The following DOCK4 variants were observed in gnomAD, a reference collection of about 807,000 sequenced individuals.
DOCK4 encodes the protein dedicator of cytokinesis 4, also known as dedicator of cytokinesis protein 4.
Under a neutral mutation model 268.1 loss-of-function variants are expected in DOCK4, and 97 were observed. The observed-to-expected ratio is 0.36, with a 90% CI of 0.31 to 0.43. The LOEUF (loss-of-function observed/expected upper bound fraction) is 0.43, where lower values mean the gene tolerates loss of function less well. Ranked by LOEUF, DOCK4 falls within the 20% of genes least tolerant of loss-of-function variation. The pLI is 1.00. For synonymous variants in DOCK4, 954 were observed against 887.2 expected, an observed-to-expected ratio of 1.08 and a Z score of -1.34; for missense variants, 2,145 against 2,455.7, an observed-to-expected ratio of 0.87 and a Z score of 2.67.
intron 4 of DOCK4, among the ~76,000 whole-genome samples, 164 bp downstream of exon 4, chr7:111,998,284 T>C (rs1800129920): frequency 6.6e-6 from 1 of 152,176 alleles, no homozygotes; most frequent in South Asian, 2.1e-4. Context: ...TCTTTAATTT[T>C]CTCCACCAAC....
chr7:111,886,852 C>T (rs1278283583), intron 16 of DOCK4, among the ~76,000 whole-genome samples: 1 of 152,098 alleles, frequency 6.6e-6, no homozygotes, highest in Admixed American at 6.5e-5. Context: ...AAGAGGTTAA[C>T]ATAAGGAGAA....
chr7:112,161,937 G>A (rs546414055), intron 1 of DOCK4, among the ~76,000 whole-genome samples: 2 of 152,230 alleles, frequency 1.3e-5, no homozygotes, highest in African/African-American at 4.8e-5. Flanking sequence ...CATCCAGACT[G>A]GTTTCAACTT....
chr7:112,058,713 TC>T (rs1288876730), intron 1 of DOCK4, among the ~76,000 whole-genome samples: 1 of 152,008 alleles, frequency 6.6e-6, no homozygotes, highest in African/African-American at 2.4e-5. Context: ...GACAATGAAG[TC>T]AGCTAGACAG....
At chr7:112,057,583 T>G (rs1805944351) in intron 1 of DOCK4, among the ~76,000 whole-genome samples, 2 of 150,540 alleles carry the variant, frequency 1.3e-5, no homozygotes, top group Admixed American at 6.6e-5. Flanking sequence ...GAATAAGCCT[T>G]GGAATATAGC....
chr7:111,946,603 A>ACT (rs1397314139), intron 8 of DOCK4, among the ~76,000 whole-genome samples: 4 of 152,206 alleles, frequency 2.6e-5, no homozygotes, highest in Non-Finnish European at 5.9e-5. Context: ...TTATTTTGAG[A>ACT]CAGAGTCTTG....
At position 111,769,690 on chromosome 7, in the gene DOCK4, T is replaced by C; in HGVS notation, c.3680-13A>G. 1 of 1,611,266 alleles carries C rather than the reference T, an allele frequency of 6.2e-7. No individual in the cohort carries two copies. The highest frequency in any genetic ancestry group is 1.3e-5 in the African/African-American group (1 of 74,952). On this transcript the variant is annotated splice_polypyrimidine_tract_variant and intron_variant, in intron 36 of 52. Coordinates refer to ENST00000428084, the MANE Select transcript of DOCK4 (RefSeq NM_001363540.2). The stretch of plus-strand genomic sequence containing the variant: ...GTATATGCAGCTTCTGCAAGTCACG[T>C]GAGAAGACAATGATTGAGACAGGAC...
chr7:111,880,183 CAAAAG>C (rs1807263922), intron 16 of DOCK4, among the ~76,000 whole-genome samples: 1 of 152,000 alleles, frequency 6.6e-6, no homozygotes, highest in Non-Finnish European at 1.5e-5. Context: ...CTAAAAGCAG[CAAAAG>C]AAAAGAAACA....
chr7:111,769,192 G>T (rs915341747), intron 37 of DOCK4, among the ~76,000 whole-genome samples: 1 of 152,080 alleles, frequency 6.6e-6, no homozygotes, highest in East Asian at 1.9e-4. Context: ...TATGTTACTG[G>T]GGATCAAAAT....
intron 1 of DOCK4, among the ~76,000 whole-genome samples, chr7:112,143,343 C>T (rs1815112895): frequency 1.3e-5 from 2 of 151,970 alleles, no homozygotes; most frequent in Non-Finnish European, 1.5e-5. Flanking sequence ...GTTTAAAATG[C>T]CTCAAATAGC....
At chr7:112,014,884 A>C (rs1801677964) in intron 1 of DOCK4, among the ~76,000 whole-genome samples, 1 of 152,076 alleles carries the variant, frequency 6.6e-6, no homozygotes. Context: ...CGGCCTGAGA[A>C]ACAGAGTGAG....
At chr7:112,204,740 G>T (rs1821231954) in intron 1 of DOCK4, among the ~76,000 whole-genome samples, 1 of 151,410 alleles carries the variant, frequency 6.6e-6, no homozygotes, top group Non-Finnish European at 1.5e-5. Context: ...GGCAAAGTTG[G>T]GAAAAAAAAA....
chr7:111,871,865 G>A (rs996679920), intron 20 of DOCK4, 125 bp downstream of exon 20: 1 of 609,692 alleles, frequency 1.6e-6, no homozygotes, highest in African/African-American at 1.9e-5. Context: ...ACTATCTCAA[G>A]AGACACTTCA....
At chr7:112,048,620 C>A (rs1165448533) in intron 1 of DOCK4, among the ~76,000 whole-genome samples, 2 of 149,830 alleles carry the variant, frequency 1.3e-5, no homozygotes, top group African/African-American at 2.5e-5. Flanking sequence ...ACATTAAGTA[C>A]AGAGGAAGAA....
At chr7:112,039,338 T>G (rs1013822306) in intron 1 of DOCK4, among the ~76,000 whole-genome samples, 2 of 140,886 alleles carry the variant, frequency 1.4e-5, no homozygotes, top group African/African-American at 5.1e-5. Flanking sequence ...TACTGTGATA[T>G]GTAGAAAACT....
intron 27 of DOCK4, among the ~76,000 whole-genome samples, chr7:111,814,136 G>A (rs1801358925): frequency 6.6e-6 from 1 of 152,144 alleles, no homozygotes; most frequent in Non-Finnish European, 1.5e-5. Flanking sequence ...CACGCCAAAT[G>A]TCACAGAAAG....
chr7:111,999,374 A>G (rs929030702), intron 3 of DOCK4, among the ~76,000 whole-genome samples: 2 of 152,100 alleles, frequency 1.3e-5, no homozygotes, highest in African/African-American at 4.8e-5. Flanking sequence ...TTTAAAACGC[A>G]CTTGTTTTCT....
chr7:112,195,705 A>T (rs1820362720), intron 1 of DOCK4, among the ~76,000 whole-genome samples: 1 of 152,090 alleles, frequency 6.6e-6, no homozygotes, highest in Non-Finnish European at 1.5e-5. Flanking sequence ...TTGGAGAAAA[A>T]AAAAAATAAG....
Position 111,977,241 on chromosome 7 carries a change from T to C in DOCK4, c.592A>G (p.Ser198Gly). The C allele has an allele frequency of 6.2e-7, 1 of 1,609,770 alleles. No individual in the cohort carries two copies. The highest frequency in any genetic ancestry group is 8.5e-7 in the Non-Finnish European group (1 of 1,177,996). Residue 198 changes from serine to glycine, a missense_variant, in exon 8 of 53, where the codon AGC (serine) becomes GGC (glycine). By Grantham distance (56) the Ser-to-Gly change is moderately conservative. This residue lies in a region of DOCK4 where 1,598 missense variants were observed against 1,986.7 expected (regional missense o/e 0.80). Transcript: ENST00000428084. ...HRKKDTPVQA[S>G]SHHLFVQMKS... Reference sequence around the variant, plus strand: ...ATCTGGACAAAGAGGTGGTGACTGCTGGCCTGCACCGGGGTGTCTTTCTTC... The same window carrying C: ...ATCTGGACAAAGAGGTGGTGACTGCCGGCCTGCACCGGGGTGTCTTTCTTC...
intron 1 of DOCK4, among the ~76,000 whole-genome samples, chr7:112,124,288 T>A (rs981579322): frequency 9.2e-5 from 14 of 152,342 alleles, no homozygotes; most frequent in African/African-American, 3.1e-4. Flanking sequence ...TCAAAAGTAC[T>A]GGGATTAAAG....
Sources: allele counts gnomAD v4.1 joint callset (sites outside exome capture counted in the v4.1 genomes callset), GRCh38; gene constraint gnomAD v4.1.1; regional missense constraint gnomAD v4.1.1; transcripts MANE v1.5; gene names NCBI Gene and HGNC (gene_info 2026-07-23, HGNC 2026-07-21).